Variants in KIF1B observed in about 807,000 individuals in gnomAD.
The protein encoded by KIF1B is kinesin-like protein KIF1B.
A neutral mutation model predicts 241.9 loss-of-function variants in KIF1B; 76 were observed. The observed-to-expected ratio is 0.31, with a 90% CI of 0.26 to 0.38. The LOEUF (loss-of-function observed/expected upper bound fraction) is 0.38. KIF1B is among the 10% of genes least tolerant of loss of function. The probability of loss-of-function intolerance (pLI) is 1.00; values close to 1 mark genes in which losing one functional copy is unlikely to be tolerated. For missense variants in KIF1B, 1,622 were observed against 2,271.4 expected (o/e 0.71, Z 5.81); for synonymous variants, 750 against 796.7 (o/e 0.94, Z 0.99).
At chr1:10,256,468 T>C (rs955016141) in intron 3 of KIF1B, 145 bp downstream of exon 3, 9 of 690,596 alleles carry the variant, frequency 1.3e-5, no homozygotes, top group Admixed American at 4.8e-5. Context: ...TACAGTGATA[T>C]AGTATTTTCA....
chr1:10,321,689 T>C lies in KIF1B; in HGVS notation c.2210-20T>C. ...ATAGTTGTAAGATTGCCATTAAATA[T>C]GCATCATTCATTCTTTCAGTTCCTT... On this transcript the variant is annotated intron_variant, in intron 23 of 48. Transcript: ENST00000676179. 1.2e-6 allele frequency: 2 copies of C among 1,613,022 alleles called. No homozygotes were observed. Among genetic ancestry groups the C allele is most frequent in the Non-Finnish European group, 8.5e-7 (1 of 1,178,948 alleles).
At chr1:10,295,050 C>A in intron 17 of KIF1B, 36 bp from the exon 18 acceptor site, 1 of 1,375,262 alleles carries the variant, frequency 7.3e-7, no homozygotes, top group Non-Finnish European at 1.0e-6. Flanking sequence ...TCTCATGGTG[C>A]CCTGCTCCAA....
Position 10,342,117 on chromosome 1 carries a change from T to G in KIF1B, c.3581T>G (p.Phe1194Cys). The change falls in exon 33 of 49, where the codon TTT becomes TGT. Residue 1194 changes from phenylalanine to cysteine, a missense_variant. Phe to Cys is a radical substitution (Grantham distance 205, BLOSUM62 -2). Coordinates refer to ENST00000676179, the MANE Select transcript of KIF1B (RefSeq NM_001365951.3). ...IKTKPIVFEV[F>C]GHYQQHPLHL... ...ACCAAGCCTATTGTATTTGAAGTCT[T>G]TGGGCATTATCAGCAGCACCCACTT... 1 of 1,614,024 alleles carries G rather than the reference T, an allele frequency of 6.2e-7. No homozygotes were observed. The highest frequency in any genetic ancestry group is 8.5e-7 in the Non-Finnish European group (1 of 1,179,886).
At chr1:10,268,087 T>C in intron 6 of KIF1B, 65 bp from the exon 7 acceptor site, 1 of 979,984 alleles carries the variant, frequency 1.0e-6, no homozygotes, top group Non-Finnish European at 1.6e-6. Context: ...ATGTGGAGCC[T>C]GCTGTCCATT....
At chr1:10,318,371 G>C (rs1290201873) in intron 22 of KIF1B, among the ~76,000 whole-genome samples, 1 of 151,482 alleles carries the variant, frequency 6.6e-6, no homozygotes. Flanking sequence ...ACAGTGGATA[G>C]TCATACTTAT....
chr1:10,286,291 C>T (rs1238397725), intron 15 of KIF1B, among the ~76,000 whole-genome samples: 2 of 152,200 alleles, frequency 1.3e-5, no homozygotes, highest in African/African-American at 2.4e-5. Flanking sequence ...CTGCCTGCCT[C>T]GGCCTCCCAA....
In KIF1B at chr1:10,378,606, C is replaced by T. The variant is rs185749715; in HGVS notation, c.*2019C>T. 2.7e-4 allele frequency: 162 copies of T among 592,696 alleles called. No homozygotes were observed. The East Asian group carries it at 3.0e-3, about 11-fold the overall frequency. The allele number at this position is 592,696 out of a possible 1,614,324, so 36.7% of individuals were successfully genotyped here. ...AGGTTGCTGACTCTCAGGCGTTAGG[C>T]AGCTGGATGACTTCCCGCTTCACGC... On this transcript the variant is annotated 3_prime_UTR_variant, in exon 49 of 49. Coordinates refer to ENST00000676179, the MANE Select transcript of KIF1B (RefSeq NM_001365951.3).
intron 44 of KIF1B, among the ~76,000 whole-genome samples, chr1:10,370,409 C>T (rs1030245481): frequency 5.9e-5 from 9 of 151,506 alleles, no homozygotes; most frequent in African/African-American, 2.2e-4. Flanking sequence ...CAAAAAAATA[C>T]AAAAATTAGT....
chr1:10,282,596 G>A, intron 15 of KIF1B, 63 bp downstream of exon 15: 3 of 1,359,552 alleles, frequency 2.2e-6, no homozygotes, highest in East Asian at 2.3e-5. Flanking sequence ...AGAACTAGGA[G>A]TAAAAATCAC....
At chr1:10,330,732 A>G (rs1481383052) in intron 27 of KIF1B, among the ~76,000 whole-genome samples, 1 of 152,190 alleles carries the variant, frequency 6.6e-6, no homozygotes, top group African/African-American at 2.4e-5. Context: ...TCACTTACCA[A>G]ATATTTATAG....
rs574940085 is a variant in KIF1B, at chr1:10,223,019, C to T, written c.-79-9231C>T. On this transcript the variant is annotated intron_variant, in intron 1 of 48. Transcript: ENST00000676179. The stretch of plus-strand genomic sequence containing the variant: ...CTGTAATCCCAGCACTTTGGGAGGC[C>T]GAGGCAGGCGGGTCACGAGGTCAGG... 5.3e-5 allele frequency among the ~76,000 whole-genome samples: 8 copies of T among 152,198 alleles called. No homozygotes were observed. In the East Asian group the frequency reaches 1.2e-3, roughly 22 times the overall value.
At chr1:10,217,774 T>C (rs1339271888) in intron 1 of KIF1B, among the ~76,000 whole-genome samples, 1 of 149,962 alleles carries the variant, frequency 6.7e-6, no homozygotes, top group African/African-American at 2.4e-5. Context: ...ACCACCACAA[T>C]CTTGAACCCC....
At chr1:10,335,026 C>A (rs972514935) in intron 28 of KIF1B, among the ~76,000 whole-genome samples, 24 of 151,678 alleles carry the variant, frequency 1.6e-4, no homozygotes, top group African/African-American at 5.6e-4. Flanking sequence ...GCATCCTTCA[C>A]CTCCAGGCTC....
chr1:10,300,236 CAAATAATAA>C (rs1339972258), intron 22 of KIF1B, among the ~76,000 whole-genome samples: 2 of 91,274 alleles, frequency 2.2e-5, no homozygotes, highest in African/African-American at 7.3e-5. Flanking sequence ...GACTCAGTGT[CAAATAATAA>C]TAATAATAAT....
At position 10,375,228 on chromosome 1, in the gene KIF1B, T is replaced by C. The variant is rs773890643; in HGVS notation, c.5290-27T>C. ...CCCATTGCTGTCTCTGTAGTAACTT[T>C]CTTGTCTACCTGCATTTTTCTTTCA... is the stretch of plus-strand genomic sequence containing the variant. On this transcript the variant is annotated intron_variant, in intron 47 of 48. Coordinates refer to ENST00000676179, the MANE Select transcript of KIF1B (RefSeq NM_001365951.3). The C allele has an allele frequency of 4.4e-6, 7 of 1,592,944 alleles. No individual in the cohort carries two copies. In the South Asian group the frequency reaches 7.7e-5, roughly 18 times the overall value.
intron 4 of KIF1B, among the ~76,000 whole-genome samples, chr1:10,260,032 G>C (rs577531245): frequency 6.6e-6 from 1 of 152,026 alleles, no homozygotes; most frequent in African/African-American, 2.4e-5. Context: ...CTTAAGGGTG[G>C]GGGTACATTT....
At chr1:10,258,314 G>A (rs1286842472) in intron 3 of KIF1B, among the ~76,000 whole-genome samples, 179 bp from the exon 4 acceptor site, 1 of 152,166 alleles carries the variant, frequency 6.6e-6, no homozygotes, top group East Asian at 1.9e-4. Context: ...GAGTGTGTGT[G>A]TGTGCATGTG....
Position 10,373,192 on chromosome 1 carries a change from C to T in KIF1B, c.4947-1124C>T, listed in dbSNP as rs529549129. Among the ~76,000 whole-genome samples, 13 of 151,758 alleles carry T rather than the reference C, an allele frequency of 8.6e-5. No homozygotes were observed. The South Asian group carries it at 1.9e-3, about 22-fold the overall frequency. On this transcript the variant is annotated intron_variant, in intron 45 of 48. Transcript: ENST00000676179. ...GCCAGGATGGTCTTGGTCTCCTGACCTCATGATCTGCCAGCCTCAGCCTCC... is the reference window on the plus strand; with the variant it reads ...GCCAGGATGGTCTTGGTCTCCTGACTTCATGATCTGCCAGCCTCAGCCTCC...
chr1:10,295,621 G>A, intron 18 of KIF1B, 39 bp from the exon 19 acceptor site: 11 of 1,564,990 alleles, frequency 7.0e-6, no homozygotes, highest in Non-Finnish European at 8.8e-6. Flanking sequence ...TGCTTTCTGT[G>A]TCTGAATTTC....
Sources: allele counts gnomAD v4.1 joint callset (sites outside exome capture counted in the v4.1 genomes callset), GRCh38; gene constraint gnomAD v4.1.1; transcripts MANE v1.5; gene names NCBI Gene and HGNC (gene_info 2026-07-23, HGNC 2026-07-21).